The following FYB1 variants were observed in gnomAD, a reference collection of about 807,000 sequenced individuals.
The protein encoded by FYB1 is FYN-binding protein 1.
Under a neutral mutation model 94.1 loss-of-function variants are expected in FYB1, and 41 were observed. The ratio of observed to expected loss-of-function variants is 0.44; its 90% CI spans 0.34 to 0.57. The LOEUF (loss-of-function observed/expected upper bound fraction) is 0.57, where lower values mean the gene tolerates loss of function less well. Among genes scored for constraint, FYB1 ranks in the 20% least tolerant of loss-of-function variants. The pLI is 0.02. For missense variants in FYB1, 1,050 were observed against 976.8 expected (o/e 1.07, Z -1.00); for synonymous variants, 367 against 353.2 (o/e 1.04, Z -0.44).
At chr5:39,228,977 A>G (rs776247018) in intron 1 of FYB1, among the ~76,000 whole-genome samples, 4 of 152,112 alleles carry the variant, frequency 2.6e-5, no homozygotes, top group Non-Finnish European at 5.9e-5. Context: ...TTTGTAATGC[A>G]TGGAAATAAA....
At chr5:39,123,891 T>C (rs1335959989) in intron 13 of FYB1, among the ~76,000 whole-genome samples, 1 of 152,182 alleles carries the variant, frequency 6.6e-6, no homozygotes, top group African/African-American at 2.4e-5. Flanking sequence ...AGAGGCTTAC[T>C]GGCATGTAAT....
chr5:39,215,891 G>A (rs958838097), intron 1 of FYB1, among the ~76,000 whole-genome samples: 2 of 152,144 alleles, frequency 1.3e-5, no homozygotes, highest in African/African-American at 4.8e-5. Flanking sequence ...ATCATGCAAC[G>A]GAATCATTCT....
Position 39,270,511 on chromosome 5 carries a change from A to G in FYB1, c.-28+3892T>C, listed in dbSNP as rs1734549933. On this transcript the variant is annotated intron_variant, in intron 1 of 1. Coordinates refer to the FYB1 transcript ENST00000510188. ...ACCCTCAACTCTGACTGTTCTATGC[A>G]GAGAAGAGTAGCACATTTGCCAGGA... is the stretch of plus-strand genomic sequence containing the variant. The G allele has an allele frequency of 4.7e-6, 7 of 1,491,784 alleles. No individual in the cohort carries two copies. In the South Asian group the frequency reaches 7.3e-5, roughly 15 times the overall value. 92.4% of individuals were successfully genotyped at this position (1,491,784 alleles called of 1,614,324 possible).
At position 39,115,263 on chromosome 5, in the gene FYB1, T is replaced by G. The variant is rs565869607; in HGVS notation, c.2401+3611A>C. Among the ~76,000 whole-genome samples, 206 of 152,042 alleles carry G rather than the reference T, an allele frequency of 1.4e-3. 1 individual carries two copies. The Middle Eastern group carries it at 0.024, about 18-fold the overall frequency. Reference sequence around the variant, plus strand: ...GCATGTGCCAACATACCTAGCTAATTTTTGTATTTTTAGTAGAGATGGTGT... The same window carrying G: ...GCATGTGCCAACATACCTAGCTAATGTTTGTATTTTTAGTAGAGATGGTGT... On this transcript the variant is annotated intron_variant, in intron 16 of 18. Transcript: ENST00000512982.
chr5:39,166,979 C>A (rs1430586645), intron 2 of FYB1, among the ~76,000 whole-genome samples: 1 of 152,072 alleles, frequency 6.6e-6, no homozygotes, highest in East Asian at 1.9e-4. Flanking sequence ...AAAGGAGGGA[C>A]CCTGAGTCAA....
chr5:39,167,576 C>T (rs1352066836), intron 2 of FYB1, among the ~76,000 whole-genome samples: 1 of 152,100 alleles, frequency 6.6e-6, no homozygotes, highest in Non-Finnish European at 1.5e-5. Flanking sequence ...TGTAAATGTT[C>T]CAGAGTATTC....
upstream of FYB1, among the ~76,000 whole-genome samples, chr5:39,222,655 C>T (rs1415046866): frequency 6.6e-6 from 1 of 152,132 alleles, no homozygotes; most frequent in Non-Finnish European, 1.5e-5. Context: ...ATAAAAACAA[C>T]TAAAATGCTA....
At chr5:39,170,352 C>G in intron 2 of FYB1, 1 of 1,140,450 alleles carries the variant, frequency 8.8e-7, no homozygotes, top group South Asian at 1.6e-5. Context: ...CAGAATAATC[C>G]TATTGGCAAA....
intron 2 of FYB1, among the ~76,000 whole-genome samples, chr5:39,163,621 T>C (rs1744462647): frequency 6.6e-6 from 1 of 152,240 alleles, no homozygotes; most frequent in South Asian, 2.1e-4. Context: ...AAATTGTTTT[T>C]ATAAATGAGT....
At chr5:39,151,641 C>T (rs1173682933) in intron 3 of FYB1, among the ~76,000 whole-genome samples, 1 of 152,084 alleles carries the variant, frequency 6.6e-6, no homozygotes, top group Non-Finnish European at 1.5e-5. Context: ...TTGCAGGGGT[C>T]TTTGTTTGTT....
intron 2 of FYB1, among the ~76,000 whole-genome samples, chr5:39,185,256 T>C (rs187693522): frequency 9.9e-5 from 15 of 152,248 alleles, no homozygotes; most frequent in African/African-American, 2.9e-4. Context: ...ATTGTTATCA[T>C]AAATACACTG....
At chr5:39,152,203 G>T (rs1468234174) in intron 3 of FYB1, among the ~76,000 whole-genome samples, 3 of 152,286 alleles carry the variant, frequency 2.0e-5, no homozygotes, top group Middle Eastern at 6.8e-3. Flanking sequence ...CACAACGCAG[G>T]TCATATGTAA....
chr5:39,153,876 A>G (rs910707112), intron 2 of FYB1, among the ~76,000 whole-genome samples: 3 of 151,962 alleles, frequency 2.0e-5, no homozygotes, highest in Non-Finnish European at 4.4e-5. Flanking sequence ...TGGGCTTTCG[A>G]GATCTTCCTG....
chr5:39,236,330 A>T (rs1750964632), intron 1 of FYB1, among the ~76,000 whole-genome samples: 1 of 152,114 alleles, frequency 6.6e-6, no homozygotes. Flanking sequence ...TAAAGAAGGC[A>T]TTGAGGTTTT....
At chr5:39,205,986 T>C (rs746512001) in intron 1 of FYB1, among the ~76,000 whole-genome samples, 1 of 152,260 alleles carries the variant, frequency 6.6e-6, no homozygotes, top group Non-Finnish European at 1.5e-5. Context: ...TCTCTGTTTT[T>C]CTAATTTGCT....
intron 2 of FYB1, among the ~76,000 whole-genome samples, chr5:39,198,631 T>C (rs1748035565): frequency 6.6e-6 from 1 of 152,146 alleles, no homozygotes; most frequent in South Asian, 2.1e-4. Context: ...TTACATGAGA[T>C]AGTCAACACT....
intron 2 of FYB1, among the ~76,000 whole-genome samples, chr5:39,166,173 A>T (rs1331307062): frequency 6.6e-6 from 1 of 152,254 alleles, no homozygotes; most frequent in Non-Finnish European, 1.5e-5. Flanking sequence ...GCAGTGGCTC[A>T]TGCCTCTAAT....
At chr5:39,136,125 C>T (rs772708297) in intron 7 of FYB1, among the ~76,000 whole-genome samples, 17 of 151,860 alleles carry the variant, frequency 1.1e-4, no homozygotes, top group Non-Finnish European at 2.5e-4. Context: ...GCTAGAGTGC[C>T]GAGGCCCGAT....
chr5:39,124,308 T>C (rs1174459625), intron 12 of FYB1, 30 bp from the exon 13 acceptor site: 1 of 1,510,016 alleles, frequency 6.6e-7, no homozygotes, highest in South Asian at 1.3e-5. Context: ...ACAATTATAA[T>C]CAGACTAACA....
Sources: allele counts gnomAD v4.1 joint callset (sites outside exome capture counted in the v4.1 genomes callset), GRCh38; gene constraint gnomAD v4.1.1; transcripts MANE v1.5; gene names NCBI Gene and HGNC (gene_info 2026-07-23, HGNC 2026-07-21).